Variants in CENPP observed in about 807,000 individuals in gnomAD.
CENPP encodes centromere protein P.
Under a neutral mutation model 35.6 loss-of-function variants are expected in CENPP, and 24 were observed. That is an observed-to-expected ratio of 0.67 (90% CI 0.49 to 0.95). CENPP has a LOEUF of 0.95. Ranked by LOEUF, CENPP falls within the 40% of genes least tolerant of loss-of-function variation. The probability of loss-of-function intolerance (pLI) is 0.00; values close to 1 mark genes in which losing one functional copy is unlikely to be tolerated. For synonymous variants in CENPP, 120 were observed against 125.5 expected, an observed-to-expected ratio of 0.96 and a Z score of 0.29; for missense variants, 332 against 345.3, an observed-to-expected ratio of 0.96 and a Z score of 0.31.
chr9:92,352,978 A>G (rs535131114), intron 4 of CENPP, among the ~76,000 whole-genome samples: 22 of 152,272 alleles, frequency 1.4e-4, no homozygotes, highest in African/African-American at 5.3e-4. Flanking sequence ...AAGATCATAC[A>G]TAATCTTCAA....
intron 5 of CENPP, among the ~76,000 whole-genome samples, chr9:92,439,621 G>A (rs954523257): frequency 5.3e-5 from 8 of 152,132 alleles, no homozygotes; most frequent in Non-Finnish European, 8.8e-5. Context: ...ATCTAAACTT[G>A]TGTGGCTCCT....
intron 5 of CENPP, among the ~76,000 whole-genome samples, chr9:92,507,061 C>T (rs1295168788): frequency 2.6e-5 from 4 of 152,168 alleles, no homozygotes; most frequent in Non-Finnish European, 4.4e-5. Flanking sequence ...GCCCCCACCA[C>T]CACACTCAGC....
At chr9:92,460,427 A>G (rs755797037) in intron 5 of CENPP, 3 of 1,179,878 alleles carry the variant, frequency 2.5e-6, no homozygotes, top group Non-Finnish European at 3.8e-6. Context: ...CCCTGTGCAC[A>G]TTCTCCAGGA....
At chr9:92,410,148 G>T (rs1843407423) in intron 5 of CENPP, among the ~76,000 whole-genome samples, 1 of 152,132 alleles carries the variant, frequency 6.6e-6, no homozygotes, top group Non-Finnish European at 1.5e-5. Flanking sequence ...ATGTTAGCCA[G>T]GGTGGTCTCA....
intron 5 of CENPP, among the ~76,000 whole-genome samples, chr9:92,495,072 T>C (rs957189800): frequency 4.6e-5 from 7 of 152,200 alleles, no homozygotes; most frequent in African/African-American, 1.7e-4. Context: ...CAAAATGCTT[T>C]ACATTCTTTT....
rs189653981 is a variant in CENPP at position 92,594,366 on chromosome 9, G to C, written c.565-16948G>C. ...CCCGTGAGCAGGTGGCCCAGCTGCT[G>C]CTTCCACTTCTGGCTCTGGGCCACT... is the stretch of plus-strand genomic sequence containing the variant. On this transcript the variant is annotated intron_variant, in intron 5 of 7. Transcript: ENST00000375587. 1.8e-4 allele frequency among the ~76,000 whole-genome samples: 28 copies of C among 152,278 alleles called. 1 individual carries two copies. The East Asian group carries it at 4.2e-3, about 23-fold the overall frequency.
Position 92,416,780 on chromosome 9 carries a change from T to C in CENPP, c.564+36921T>C, listed in dbSNP as rs1380540500. On this transcript the variant is annotated intron_variant, in intron 5 of 7. Coordinates refer to ENST00000375587, the MANE Select transcript of CENPP (RefSeq NM_001012267.3). The stretch of plus-strand genomic sequence containing the variant: ...TTTGTTGTGTGACATTCTTAGAGTA[T>C]GAAGTTTTGGAAGTTTGTCGAAGTA... 1.9e-6 allele frequency: 3 copies of C among 1,613,808 alleles called. No homozygotes were observed. The highest frequency in any genetic ancestry group is 2.5e-6 in the Non-Finnish European group (3 of 1,179,862).
intron 5 of CENPP, among the ~76,000 whole-genome samples, chr9:92,429,298 C>A (rs1844044927): frequency 6.6e-6 from 1 of 152,180 alleles, no homozygotes; most frequent in Admixed American, 6.5e-5. Context: ...CAGACCTTAC[C>A]TGGTGAACTC....
At chr9:92,536,773 C>G (rs984247349) in intron 5 of CENPP, 1 of 152,042 alleles carries the variant, frequency 6.6e-6, no homozygotes, top group African/African-American at 2.4e-5. Flanking sequence ...TAGGGTGATA[C>G]CTTTCAAATT....
intron 4 of CENPP, among the ~76,000 whole-genome samples, chr9:92,361,521 C>T (rs190715340): frequency 4.0e-4 from 60 of 148,546 alleles, no homozygotes; most frequent in African/African-American, 1.4e-3. Context: ...GCTCTGTCAC[C>T]CAGGCTGGAG....
At chr9:92,567,789 A>G (rs923938186) in intron 5 of CENPP, among the ~76,000 whole-genome samples, 1 of 152,140 alleles carries the variant, frequency 6.6e-6, no homozygotes, top group Admixed American at 6.5e-5. Context: ...TTAGACTGTT[A>G]TAACTTTGGG....
In CENPP at chr9:92,620,303, C is replaced by T. The variant is rs1401788812; in HGVS notation, c.*7154C>T. ...TGACCAGGGACAGCTCAACACACACCACACTGTCAGAGTCGACATACGTAA... is the reference window on the plus strand; with the variant it reads ...TGACCAGGGACAGCTCAACACACACTACACTGTCAGAGTCGACATACGTAA... On this transcript the variant is annotated 3_prime_UTR_variant, in exon 8 of 8. Coordinates refer to ENST00000375587, the MANE Select transcript of CENPP (RefSeq NM_001012267.3). 1 of 152,472 alleles carries T rather than the reference C, an allele frequency of 6.6e-6. No homozygotes were observed. The highest frequency in any genetic ancestry group is 2.4e-5 in the African/African-American group (1 of 41,430). The allele number at this position is 152,472 out of a possible 1,614,324, so 9.4% of individuals were successfully genotyped here. A position where few individuals can be genotyped will look rare whatever the true frequency, so the allele number is the denominator to read the frequency against.
chr9:92,403,589 T>A (rs1452825809), intron 5 of CENPP: 2 of 1,228,624 alleles, frequency 1.6e-6, no homozygotes, highest in Non-Finnish European at 2.0e-6. Flanking sequence ...CCCTTAGTGA[T>A]CTTTAATTAG....
chr9:92,473,978 C>T (rs1845618272), intron 5 of CENPP, among the ~76,000 whole-genome samples: 1 of 152,326 alleles, frequency 6.6e-6, no homozygotes, highest in Admixed American at 6.5e-5. Context: ...CAGCTGTCCC[C>T]TCTTGGAAAT....
In CENPP at chr9:92,557,643, CTTTG is replaced by C. The variant is rs547561155; in HGVS notation, c.565-53661_565-53658del. Among the ~76,000 whole-genome samples, 90 of 152,066 alleles carry C rather than the reference CTTTG, an allele frequency of 5.9e-4. No homozygotes were observed. In the East Asian group the frequency reaches 7.2e-3, roughly 12 times the overall value. ...AGACTTTCCAGAGCATTTCGCATTT[CTTTG>C]TTTGTTTGTGTTTTGAGACAGAGTC... On this transcript the variant is annotated intron_variant, in intron 5 of 7. Transcript: ENST00000375587.
At chr9:92,408,729 C>T (rs1437200576) in intron 5 of CENPP, among the ~76,000 whole-genome samples, 1 of 152,062 alleles carries the variant, frequency 6.6e-6, no homozygotes, top group East Asian at 1.9e-4. Flanking sequence ...GTAGTTGCAC[C>T]CCACCCCCAC....
chr9:92,448,135 C>T (rs1289894349), intron 5 of CENPP, among the ~76,000 whole-genome samples: 1 of 152,200 alleles, frequency 6.6e-6, no homozygotes, highest in Non-Finnish European at 1.5e-5. Context: ...CCAAGGGTTT[C>T]TTCCAGCCCA....
In CENPP at chr9:92,619,382, G is replaced by T; in HGVS notation, c.*6233G>T. The T allele has an allele frequency of 1.1e-6, 1 of 889,782 alleles. No homozygotes were observed. Among genetic ancestry groups the T allele is most frequent in the Non-Finnish European group, 1.8e-6 (1 of 553,618 alleles). 55.1% of individuals were successfully genotyped at this position (889,782 alleles called of 1,614,324 possible). ...CAAGGAAGTTATGTCACTCCGCCATGGAGTCTCTAAATATGGGGAAACCAA... is the reference window on the plus strand; with the variant it reads ...CAAGGAAGTTATGTCACTCCGCCATTGAGTCTCTAAATATGGGGAAACCAA... On this transcript the variant is annotated 3_prime_UTR_variant, in exon 8 of 8. Coordinates refer to ENST00000375587, the MANE Select transcript of CENPP (RefSeq NM_001012267.3).
intron 5 of CENPP, chr9:92,517,600 T>C: frequency 6.4e-7 from 1 of 1,568,770 alleles, no homozygotes; most frequent in Non-Finnish European, 8.7e-7. Flanking sequence ...TAATGTATCA[T>C]AATTTTAATC....
Sources: gnomAD v4.1 joint callset for allele counts (sites outside exome capture counted in the v4.1 genomes callset) on GRCh38, gnomAD v4.1.1 for gene constraint, MANE v1.5 for transcripts, NCBI Gene and HGNC (gene_info 2026-07-23, HGNC 2026-07-21) for gene names.